Variants in TMEM44 observed in about 807,000 individuals in gnomAD.
TMEM44 encodes the protein transmembrane protein 44.
In TMEM44, 43 loss-of-function variants were observed where a neutral mutation model predicts 47.8. The observed-to-expected ratio is 0.90, with a 90% CI of 0.70 to 1.16. TMEM44 has a LOEUF of 1.16. Among genes scored for constraint, TMEM44 ranks in the 50% most tolerant of loss-of-function variants. The pLI is 0.00. For synonymous variants in TMEM44, 277 were observed against 238.8 expected (o/e 1.16, Z -1.48); for missense variants, 568 against 555.2 (o/e 1.02, Z -0.23).
intron 5 of TMEM44, among the ~76,000 whole-genome samples, chr3:194,619,601 A>G (rs986882790): frequency 2.0e-5 from 3 of 152,222 alleles, no homozygotes; most frequent in African/African-American, 7.2e-5. Flanking sequence ...CTTTCCCACC[A>G]AAGCCACCCA....
At chr3:194,592,891 G>T (rs1451678022) in intron 9 of TMEM44, 1 of 898,188 alleles carries the variant, frequency 1.1e-6, no homozygotes, top group African/African-American at 1.7e-5. Flanking sequence ...AGGATTACAG[G>T]TGTGAGCCAC....
Position 194,628,599 on chromosome 3 carries a change from C to G in TMEM44, c.138-90G>C, listed in dbSNP as rs150632464. On this transcript the variant is annotated intron_variant, in intron 1 of 9. Coordinates refer to ENST00000347147, the MANE Select transcript of TMEM44 (RefSeq NM_001011655.3). ...AAAAAGGGCAACTGTGACCCCGCAT[C>G]GTCAGGGAGCTCTTTCTGCCCGAGG... 1.2e-4 allele frequency: 171 copies of G among 1,433,480 alleles called. No individual in the cohort carries two copies. The African/African-American group carries it at 2.2e-3, about 18-fold the overall frequency. The allele number at this position is 1,433,480 out of a possible 1,614,324, so 88.8% of individuals were successfully genotyped here. A position where few individuals can be genotyped will look rare whatever the true frequency, so the allele number is the denominator to read the frequency against.
chr3:194,616,505 G>A lies in TMEM44; in HGVS notation c.783+594C>T, dbSNP rs371275352. ...CACAAAGGGAAGAAGGCCACATGAA[G>A]GGCAAGGCAGAAATGTAAACGACAC... On this transcript the variant is annotated intron_variant, in intron 6 of 9. Coordinates refer to ENST00000347147, the MANE Select transcript of TMEM44 (RefSeq NM_001011655.3). 4 of 447,854 alleles carry A rather than the reference G, an allele frequency of 8.9e-6. No individual in the cohort carries two copies. In the East Asian group the frequency reaches 2.1e-4, roughly 24 times the overall value. The allele number at this position is 447,854 out of a possible 1,614,324, so 27.7% of individuals were successfully genotyped here. A position where few individuals can be genotyped will look rare whatever the true frequency, so the allele number is the denominator to read the frequency against.
At position 194,616,959 on chromosome 3, in the gene TMEM44, C is replaced by A. The variant is rs1214205623; in HGVS notation, c.783+140G>T. On this transcript the variant is annotated intron_variant, in intron 6 of 9. Transcript: ENST00000347147. Reference sequence around the variant, plus strand: ...TAATTGCATTTGTGTTTGCCTGCCCCAAGCTTCAAACCACTCCCTTACTGC... The same window carrying A: ...TAATTGCATTTGTGTTTGCCTGCCCAAAGCTTCAAACCACTCCCTTACTGC... The A allele has an allele frequency of 1.1e-5, 10 of 943,046 alleles. No individual in the cohort carries two copies. In the East Asian group the frequency reaches 2.5e-4, roughly 24 times the overall value. The allele number at this position is 943,046 out of a possible 1,614,324, so 58.4% of individuals were successfully genotyped here.
chr3:194,591,070 C>T (rs149527638), intron 9 of TMEM44, among the ~76,000 whole-genome samples: 5 of 151,234 alleles, frequency 3.3e-5, no homozygotes, highest in South Asian at 2.1e-4. Context: ...GGTGGGCGCC[C>T]GTAATCCCAG....
intron 9 of TMEM44, among the ~76,000 whole-genome samples, chr3:194,591,752 C>T (rs1267216662): frequency 1.3e-5 from 2 of 151,730 alleles, no homozygotes; most frequent in Non-Finnish European, 2.9e-5. Context: ...ACCACAGGTA[C>T]ACACCACCAC....
chr3:194,602,650 G>C (rs1271670996), intron 9 of TMEM44, among the ~76,000 whole-genome samples: 10 of 152,120 alleles, frequency 6.6e-5, no homozygotes, highest in Admixed American at 5.9e-4. Context: ...GGCACTCAGA[G>C]GAAGGAGCCG....
Position 194,623,293 on chromosome 3 carries a change from G to A in TMEM44, c.543C>T (p.Leu181=), listed in dbSNP as rs149829186. 9.9e-6 allele frequency: 16 copies of A among 1,608,608 alleles called. No individual in the cohort carries two copies. The highest frequency in any genetic ancestry group is 6.7e-5 in the African/African-American group (5 of 74,820). ...ASLLQENTEI[L]GYLLGSVAAF... Reference sequence around the variant, plus strand: ...CAGCAACGCTACCCAGCAGGTAGCCGAGGATCTCAGTATTTTCCTGCAAGA... The same window carrying A: ...CAGCAACGCTACCCAGCAGGTAGCCAAGGATCTCAGTATTTTCCTGCAAGA... Residue 181 remains leucine, a synonymous_variant, in exon 5 of 10, where the codon CTC becomes CTT. Coordinates refer to ENST00000347147, the MANE Select transcript of TMEM44 (RefSeq NM_001011655.3).
chr3:194,615,446 G>A (rs1715775724), intron 7 of TMEM44, 123 bp downstream of exon 7: 5 of 1,351,880 alleles, frequency 3.7e-6, no homozygotes, highest in East Asian at 2.4e-5. Flanking sequence ...TGTCTGAGTC[G>A]CCTGCAGAGA....
At chr3:194,595,563 T>C (rs552352345) in intron 9 of TMEM44, among the ~76,000 whole-genome samples, 68 of 151,810 alleles carry the variant, frequency 4.5e-4, no homozygotes, top group Middle Eastern at 3.4e-3. Flanking sequence ...GGTGCTCGAC[T>C]TCGGATGGAT....
intron 7 of TMEM44, among the ~76,000 whole-genome samples, chr3:194,614,374 A>G (rs907782349): frequency 2.6e-5 from 4 of 152,160 alleles, no homozygotes; most frequent in Admixed American, 2.6e-4. Context: ...GTGGGAATAC[A>G]GTTTTTGAAG....
At chr3:194,626,301 C>A (rs1467823113) in intron 2 of TMEM44, among the ~76,000 whole-genome samples, 1 of 152,218 alleles carries the variant, frequency 6.6e-6, no homozygotes, top group Non-Finnish European at 1.5e-5. Flanking sequence ...CTGCTGTGTA[C>A]CCTTGGCCCA....
At chr3:194,614,795 T>TG (rs1408471745) in intron 7 of TMEM44, among the ~76,000 whole-genome samples, 9 of 152,230 alleles carry the variant, frequency 5.9e-5, no homozygotes, top group Admixed American at 4.6e-4. Context: ...AAGCTTCAAG[T>TG]GGGCATGCGA....
At position 194,611,759 on chromosome 3, in the gene TMEM44, C is replaced by T. The variant is rs182931079; in HGVS notation, c.913-739G>A. Among the ~76,000 whole-genome samples the T allele has an allele frequency of 2.3e-3, 344 of 152,208 alleles. No individual in the cohort carries two copies. The highest frequency in any genetic ancestry group is 7.6e-3 in the African/African-American group (314 of 41,530). On this transcript the variant is annotated intron_variant, in intron 7 of 9. Transcript: ENST00000347147. The surrounding 1 kb of genome is among the most constrained non-coding windows in gnomAD (Gnocchi z 4.2). ...GATTGCAGCCGGGCGCGGTGGCTCA[C>T]GCCTGTAATCCCAGCACTTTGGGAG...
intron 1 of TMEM44, chr3:194,632,822 G>A: frequency 2.0e-6 from 1 of 498,788 alleles, no homozygotes; most frequent in Non-Finnish European, 3.5e-6. Context: ...AGCACCCAGG[G>A]CTCGCGGTGT....
chr3:194,615,360 T>C (rs924288368), intron 7 of TMEM44, among the ~76,000 whole-genome samples: 4 of 152,164 alleles, frequency 2.6e-5, no homozygotes, highest in African/African-American at 9.7e-5. Context: ...GTCCACTCCA[T>C]GCCAGTAAAC....
At chr3:194,604,616 G>A (rs1714572824) in intron 8 of TMEM44, among the ~76,000 whole-genome samples, 171 bp from the exon 9 acceptor site, 1 of 152,234 alleles carries the variant, frequency 6.6e-6, no homozygotes, top group Non-Finnish European at 1.5e-5. Context: ...GGCAGCCAGT[G>A]CCCTGTGTCT....
chr3:194,623,469 C>T, intron 4 of TMEM44, 60 bp downstream of exon 4: 2 of 1,530,402 alleles, frequency 1.3e-6, no homozygotes, highest in Non-Finnish European at 1.8e-6. Flanking sequence ...CTCATCCCAC[C>T]CTGGGCATTT....
chr3:194,605,000 G>A (rs1054763800), intron 8 of TMEM44, among the ~76,000 whole-genome samples: 1 of 152,222 alleles, frequency 6.6e-6, no homozygotes, highest in Non-Finnish European at 1.5e-5. Context: ...TATAGCTACT[G>A]CTAAAAACGC....
Sources: gnomAD v4.1 joint callset for allele counts (sites outside exome capture counted in the v4.1 genomes callset) on GRCh38, gnomAD v4.1.1 for gene constraint, Gnocchi (gnomAD v3.1) non-coding constraint, MANE v1.5 for transcripts, NCBI Gene and HGNC (gene_info 2026-07-23, HGNC 2026-07-21) for gene names.